Variants in ANO6 observed in about 807,000 individuals in gnomAD.
The protein encoded by ANO6 is anoctamin-6.
Under a neutral mutation model 117.5 loss-of-function variants are expected in ANO6, and 106 were observed. The observed-to-expected ratio is 0.90, with a 90% CI of 0.77 to 1.06. ANO6 has a LOEUF of 1.06. ANO6 is among the 50% of genes least tolerant of loss of function. ANO6 has a pLI of 0.00. For missense variants in ANO6, 955 were observed against 1,121.1 expected, an observed-to-expected ratio of 0.85 and a Z score of 2.12; for synonymous variants, 367 against 385.1, an observed-to-expected ratio of 0.95 and a Z score of 0.55.
chr12:45,403,138 T>C lies in ANO6; in HGVS notation c.1679T>C (p.Val560Ala). Residue 560 changes from valine to alanine, a missense_variant, in exon 14 of 20, where the codon GTC becomes GCC. Coordinates refer to ENST00000320560, the MANE Select transcript of ANO6 (RefSeq NM_001025356.3). ...LTMKMFLFQF[V>A]NYYSSCFYIA... ...ATGAAGATGTTCTTATTCCAGTTTG[T>C]CAACTACTACTCTTCATGCTTCTAC... The C allele has an allele frequency of 1.2e-6, 2 of 1,614,016 alleles. No homozygotes were observed. Among genetic ancestry groups the C allele is most frequent in the Non-Finnish European group, 1.7e-6 (2 of 1,179,932 alleles).
intron 2 of ANO6, among the ~76,000 whole-genome samples, chr12:45,315,260 A>C (rs753229913): frequency 3.9e-5 from 6 of 152,090 alleles, no homozygotes; most frequent in Non-Finnish European, 7.4e-5. Flanking sequence ...TTCAATAGCC[A>C]TGTGTGGCTC....
At position 45,308,048 on chromosome 12, in the gene ANO6, A is replaced by ATTTTTTTTTTTT. The variant is rs1218638312; in HGVS notation, c.150+5968_150+5979dup. On this transcript the variant is annotated intron_variant, in intron 2 of 19. Transcript: ENST00000320560. ...GTGTGTGTCTGTGTGTGTGTGTGTA[A>ATTTTTTTTTTTT]TTTTTTTTTTTTTTTTTTTTTTTTG... Among the ~76,000 whole-genome samples, 86 of 69,306 alleles carry ATTTTTTTTTTTT rather than the reference A, an allele frequency of 1.2e-3. 17 individuals are homozygous for ATTTTTTTTTTTT. Among genetic ancestry groups the ATTTTTTTTTTTT allele is most frequent in the Middle Eastern group, 0.032 (2 of 62 alleles). 45.5% of individuals were successfully genotyped at this position (69,306 alleles called of 152,430 possible). A position where few individuals can be genotyped will look rare whatever the true frequency, so the allele number is the denominator to read the frequency against.
At chr12:45,240,299 A>G (rs997311654) in intron 1 of ANO6, among the ~76,000 whole-genome samples, 36 of 125,914 alleles carry the variant, frequency 2.9e-4, no homozygotes, top group Middle Eastern at 4.6e-3. Context: ...GTCTCTTTTG[A>G]TCTTTGTTCG....
At chr12:45,416,633 G>A (rs1200012111) in intron 16 of ANO6, 66 bp from the exon 17 acceptor site, 6 of 1,504,306 alleles carry the variant, frequency 4.0e-6, no homozygotes, top group Non-Finnish European at 4.6e-6. Context: ...TCTTTCAAGA[G>A]TAAAGGAAAA....
At chr12:45,412,604 A>G (rs1592036646) in intron 16 of ANO6, among the ~76,000 whole-genome samples, 1 of 152,092 alleles carries the variant, frequency 6.6e-6, no homozygotes, top group Non-Finnish European at 1.5e-5. Flanking sequence ...CGAGCCCATC[A>G]CCTGCCATGA....
intron 9 of ANO6, among the ~76,000 whole-genome samples, chr12:45,371,936 C>G (rs1941852020): frequency 6.6e-6 from 1 of 151,676 alleles, no homozygotes; most frequent in Non-Finnish European, 1.5e-5. Flanking sequence ...ACATTCAAAC[C>G]AAAGGCAAAG....
intron 8 of ANO6, among the ~76,000 whole-genome samples, chr12:45,360,214 C>A (rs765187715): frequency 9.9e-5 from 15 of 152,140 alleles, no homozygotes; most frequent in Non-Finnish European, 1.9e-4. Context: ...TACCACAGAC[C>A]AGGTAATTTG....
In ANO6 at chr12:45,348,269, T is replaced by C; in HGVS notation, c.587T>C (p.Ile196Thr). Reference sequence around the variant, plus strand: ...AAGAACCGGATGAATGATTTTTACATAGTTGATAGAGATGCTTTCTTCAAT... The same window carrying C: ...AAGAACCGGATGAATGATTTTTACACAGTTGATAGAGATGCTTTCTTCAAT... ...FEKNRMNDFY[I>T]VDRDAFFNPA... Residue 196 changes from isoleucine (I) to threonine (T), a missense_variant, in exon 5 of 20, where the codon ATA (isoleucine) becomes ACA (threonine). Ile to Thr is a moderately conservative substitution (Grantham distance 89). Transcript: ENST00000320560. 1 of 1,614,074 alleles carries C rather than the reference T, an allele frequency of 6.2e-7. No individual in the cohort carries two copies. The highest frequency in any genetic ancestry group is 1.3e-5 in the African/African-American group (1 of 75,028).
chr12:45,397,476 C>T (rs1259416468), intron 12 of ANO6, among the ~76,000 whole-genome samples: 1 of 152,206 alleles, frequency 6.6e-6, no homozygotes, highest in African/African-American at 2.4e-5. Flanking sequence ...CCAGCAATCC[C>T]ATTACTGGGT....
intron 2 of ANO6, among the ~76,000 whole-genome samples, chr12:45,313,905 C>G (rs1375834361): frequency 1.3e-5 from 2 of 152,006 alleles, no homozygotes; most frequent in East Asian, 3.9e-4. Context: ...GTAAAATTTT[C>G]ATTAAATATT....
chr12:45,373,896 C>A (rs1225516998), intron 9 of ANO6, among the ~76,000 whole-genome samples: 1 of 152,092 alleles, frequency 6.6e-6, no homozygotes, highest in Non-Finnish European at 1.5e-5. Context: ...ACAGAAAAAA[C>A]CCTTCAAAAA....
intron 12 of ANO6, among the ~76,000 whole-genome samples, chr12:45,395,538 A>G (rs1289875550): frequency 1.3e-5 from 2 of 152,192 alleles, no homozygotes. Flanking sequence ...GACACAACAA[A>G]AAAAGAGAAT....
intron 18 of ANO6, among the ~76,000 whole-genome samples, chr12:45,422,684 C>T (rs1394002383): frequency 1.3e-5 from 2 of 151,846 alleles, no homozygotes; most frequent in Non-Finnish European, 2.9e-5. Flanking sequence ...AAGCAATTCT[C>T]ATGCCTCAGC....
chr12:45,354,082 A>G (rs1031969995), intron 7 of ANO6, among the ~76,000 whole-genome samples: 4 of 152,206 alleles, frequency 2.6e-5, no homozygotes, highest in Admixed American at 6.5e-5. Flanking sequence ...AAGTACTTCC[A>G]GAGAAGTATC....
At chr12:45,224,351 G>A (rs886458618) in intron 1 of ANO6, among the ~76,000 whole-genome samples, 1 of 152,118 alleles carries the variant, frequency 6.6e-6, no homozygotes, top group Non-Finnish European at 1.5e-5. Flanking sequence ...CCTTATTCAC[G>A]ATGGCAAGGG....
At chr12:45,218,390 C>CTTTTTT (rs76855973) in intron 1 of ANO6, among the ~76,000 whole-genome samples, 151 of 110,030 alleles carry the variant, frequency 1.4e-3, no homozygotes, top group Middle Eastern at 5.1e-3. Flanking sequence ...CTTTCTTTCT[C>CTTTTTT]TTTTTTTTTT....
intron 1 of ANO6, among the ~76,000 whole-genome samples, chr12:45,276,184 C>T (rs1300311389): frequency 6.6e-6 from 1 of 152,164 alleles, no homozygotes; most frequent in Non-Finnish European, 1.5e-5. Context: ...TTCCTCTCCC[C>T]CCAGTACTTC....
chr12:45,236,541 C>T (rs776645999), intron 1 of ANO6, among the ~76,000 whole-genome samples: 3 of 152,174 alleles, frequency 2.0e-5, no homozygotes, highest in Non-Finnish European at 4.4e-5. Context: ...ATCCATGTCC[C>T]TGCAAAGGAC....
chr12:45,402,526 T>A (rs995815713), intron 13 of ANO6, among the ~76,000 whole-genome samples: 1 of 152,174 alleles, frequency 6.6e-6, no homozygotes, highest in Non-Finnish European at 1.5e-5. Context: ...AGTTAAGTGC[T>A]TCCCACACTG....
Sources: gnomAD v4.1 joint callset for allele counts (sites outside exome capture counted in the v4.1 genomes callset) on GRCh38, gnomAD v4.1.1 for gene constraint, MANE v1.5 for transcripts, NCBI Gene and HGNC (gene_info 2026-07-23, HGNC 2026-07-21) for gene names.